The following CRAT variants were observed in gnomAD, a reference collection of about 807,000 sequenced individuals.
CRAT encodes the protein carnitine O-acetyltransferase.
CRAT carries 66 observed loss-of-function variants against 73.7 expected under a neutral mutation model. The observed-to-expected ratio is 0.90, with a 90% CI of 0.73 to 1.10. CRAT has a LOEUF of 1.10. Among genes scored for constraint, CRAT ranks in the 50% least tolerant of loss-of-function variants. CRAT has a pLI of 0.00. For synonymous variants in CRAT, 321 were observed against 343.2 expected, an observed-to-expected ratio of 0.94 and a Z score of 0.71; for missense variants, 745 against 846.9, an observed-to-expected ratio of 0.88 and a Z score of 1.49.
intron 12 of CRAT, among the ~76,000 whole-genome samples, chr9:129,097,040 C>T (rs1847318963): frequency 6.6e-6 from 1 of 151,112 alleles, no homozygotes; most frequent in Non-Finnish European, 1.5e-5. Flanking sequence ...TGCACTCCAG[C>T]CTGGGCGACA....
At chr9:129,100,184 C>T in intron 7 of CRAT, 1 of 584,462 alleles carries the variant, frequency 1.7e-6, no homozygotes, top group Middle Eastern at 4.5e-4. Flanking sequence ...TCAAACTACT[C>T]TACCGGTGAG....
At chr9:129,102,126 C>T in intron 5 of CRAT, 69 bp from the exon 6 acceptor site, 1 of 1,516,180 alleles carries the variant, frequency 6.6e-7, no homozygotes, top group Non-Finnish European at 9.0e-7. Flanking sequence ...AGCCACCTCC[C>T]CACACCTGCC....
At position 129,104,132 on chromosome 9, in the gene CRAT, C is replaced by T. The variant is rs1047522907; in HGVS notation, c.410+56G>A. On this transcript the variant is annotated intron_variant, in intron 3 of 13. Transcript: ENST00000318080. ...GTCGGGGCCCCTCCAAGCGGCTGGGCGAAGTGAACTCGAGGGGCCCGGCTG... is the reference window on the plus strand; with the variant it reads ...GTCGGGGCCCCTCCAAGCGGCTGGGTGAAGTGAACTCGAGGGGCCCGGCTG... 8.8e-6 allele frequency: 12 copies of T among 1,363,748 alleles called. No individual in the cohort carries two copies. In the Admixed American group the frequency reaches 1.4e-4, roughly 16 times the overall value. 84.5% of individuals were successfully genotyped at this position (1,363,748 alleles called of 1,614,324 possible). A position where few individuals can be genotyped will look rare whatever the true frequency, so the allele number is the denominator to read the frequency against.
At chr9:129,108,707 G>A in intron 1 of CRAT, 10 of 1,301,830 alleles carry the variant, frequency 7.7e-6, no homozygotes, top group Non-Finnish European at 1.0e-5. Flanking sequence ...AGAGACAGGA[G>A]GGCCCGAGGC....
chr9:129,109,804 C>T (rs890324250), intron 1 of CRAT, among the ~76,000 whole-genome samples: 3 of 151,384 alleles, frequency 2.0e-5, no homozygotes, highest in Admixed American at 1.3e-4. Flanking sequence ...ACGGAAGGGA[C>T]TGAAATTAGG....
In CRAT at chr9:129,098,110, G is replaced by A. The variant is rs1847402452; in HGVS notation, c.1367C>T (p.Ser456Phe). ...GQACATYESA[S>F]LRMFHLGRTD... The stretch of plus-strand genomic sequence containing the variant: ...GCGGCCCAGGTGAAACATGCGCAGG[G>A]AGGCACTTTCATAGGTGGCACATGC... Residue 456 changes from serine (S) to phenylalanine (F), a missense_variant, in exon 11 of 14, where the codon TCC becomes TTC. Transcript: ENST00000318080. 1 of 1,614,050 alleles carries A rather than the reference G, an allele frequency of 6.2e-7. No individual in the cohort carries two copies. The highest frequency in any genetic ancestry group is 1.1e-5 in the South Asian group (1 of 91,086).
chr9:129,106,561 G>C lies in CRAT; in HGVS notation c.291+1253C>G, dbSNP rs1455068650. Among the ~76,000 whole-genome samples the C allele has an allele frequency of 1.3e-5, 2 of 152,002 alleles. No individual in the cohort carries two copies. The highest frequency in any genetic ancestry group is 2.9e-5 in the Non-Finnish European group (2 of 67,998). ...TTTAACCAGGAGCTTCTGTTTGAAG[G>C]AGTCCCAGGCTAAATGAAGTCGGAA... On this transcript the variant is annotated intron_variant, in intron 2 of 13. Transcript: ENST00000318080. The surrounding 1 kb of genome is among the most constrained non-coding windows in gnomAD (Gnocchi z 4.0).
In CRAT at chr9:129,099,866, G is replaced by C; in HGVS notation, c.1085C>G (p.Thr362Arg). 2.5e-6 allele frequency: 4 copies of C among 1,610,712 alleles called. No homozygotes were observed. The highest frequency in any genetic ancestry group is 3.4e-6 in the Non-Finnish European group (4 of 1,177,456). Reference protein sequence around the residue: ...VTLLDYVIEYTKKPELVRSPL... With the variant: ...VTLLDYVIEYRKKPELVRSPL... ...AGGCGAGAGATGTGACTGTACTCAC[G>C]TGTACTCGATGACATAGTCCAGAAG... The change falls in exon 8 of 14, where the codon ACG becomes AGG. Residue 362 changes from threonine to arginine, a missense_variant and splice_region_variant. Physicochemically the swap from Thr to Arg is moderately conservative, Grantham distance 71 (BLOSUM62 -1). Coordinates refer to ENST00000318080, the MANE Select transcript of CRAT (RefSeq NM_000755.5).
At chr9:129,101,394 C>T (rs1330258855) in intron 6 of CRAT, among the ~76,000 whole-genome samples, 1 of 152,230 alleles carries the variant, frequency 6.6e-6, no homozygotes, top group Admixed American at 6.5e-5. Context: ...TAATTGCCAT[C>T]ATGTTCCCAT....
chr9:129,108,118 C>T (rs766594659), intron 1 of CRAT, 41 bp from the exon 2 acceptor site: 38 of 1,495,504 alleles, frequency 2.5e-5, no homozygotes. Flanking sequence ...CTCCCCGGCT[C>T]TGGAGCCCTG....
rs150820288 is a variant in CRAT, at chr9:129,107,840, G to A, written c.265C>T (p.Arg89Cys). The A allele has an allele frequency of 1.9e-6, 3 of 1,612,766 alleles. No individual in the cohort carries two copies. Among genetic ancestry groups the A allele is most frequent in the Non-Finnish European group, 2.5e-6 (3 of 1,180,000 alleles). The change falls in exon 2 of 14, where the codon CGT becomes TGT. Residue 89 changes from arginine to cysteine, a missense_variant. Physicochemically the swap from Arg to Cys is radical, Grantham distance 180. Transcript: ENST00000318080. The surrounding 1 kb of genome is among the most constrained non-coding windows in gnomAD (Gnocchi z 5.0). Reference sequence around the variant, plus strand: ...CAGTTCTCCGTCTTCCTGGCCCGACGCTCCAGCCCCTTCTGCAGGCGCTCC... The same window carrying A: ...CAGTTCTCCGTCTTCCTGGCCCGACACTCCAGCCCCTTCTGCAGGCGCTCC... ...VGERLQKGLERRARKTENWLS... is the reference protein window; with the variant it reads ...VGERLQKGLECRARKTENWLS...
At position 129,102,544 on chromosome 9, in the gene CRAT, G is replaced by A. The variant is rs1426096082; in HGVS notation, c.486C>T (p.Tyr162=). 2 of 1,613,966 alleles carry A rather than the reference G, an allele frequency of 1.2e-6. No individual in the cohort carries two copies. The highest frequency in any genetic ancestry group is 2.2e-5 in the East Asian group (1 of 44,888). ...MIDNETLPVE[Y]LGGKPLCMNQ... ...TCATGCACAGTGGCTTCCCCCCCAG[G>A]TACTCCACGGGCAGGGTCTCGCTAT... Residue 162 remains tyrosine (Y), a synonymous_variant, in exon 5 of 14, where the codon TAC becomes TAT. Coordinates refer to ENST00000318080, the MANE Select transcript of CRAT (RefSeq NM_000755.5).
At chr9:129,102,674 C>CT in intron 4 of CRAT, 109 bp from the exon 5 acceptor site, 1 of 1,252,788 alleles carries the variant, frequency 8.0e-7, no homozygotes, top group Non-Finnish European at 1.1e-6. Flanking sequence ...AGTGTCCCTG[C>CT]TCCCACTCCC....
intron 5 of CRAT, 77 bp downstream of exon 5, chr9:129,102,323 G>C: frequency 6.3e-7 from 1 of 1,581,940 alleles, no homozygotes; most frequent in African/African-American, 1.3e-5. Context: ...AACCCCAGTG[G>C]GGAAGCCGAC....
At position 129,095,533 on chromosome 9, in the gene CRAT, T is replaced by G; in HGVS notation, c.1745A>C (p.Glu582Ala). The change falls in exon 14 of 14, where the codon GAG becomes GCG. Residue 582 changes from glutamate (E) to alanine (A), a missense_variant. Glu to Ala is a moderately radical substitution (Grantham distance 107). Coordinates refer to ENST00000318080, the MANE Select transcript of CRAT (RefSeq NM_000755.5). ...DGYGVCYNPM[E>A]AHINFSLSAY... ...CGACAGGGAGAAGTTGATGTGGGCCTCCATGGGGTTATAGCAGACACCGTA... is the reference window on the plus strand; with the variant it reads ...CGACAGGGAGAAGTTGATGTGGGCCGCCATGGGGTTATAGCAGACACCGTA... 6.2e-7 allele frequency: 1 copy of G among 1,613,472 alleles called. No homozygotes were observed. Among genetic ancestry groups the G allele is most frequent in the Non-Finnish European group, 8.5e-7 (1 of 1,179,990 alleles).
chr9:129,106,605 G>A lies in CRAT; in HGVS notation c.291+1209C>T, dbSNP rs1848029908. Among the ~76,000 whole-genome samples the A allele has an allele frequency of 6.6e-6, 1 of 152,104 alleles. No homozygotes were observed. Among genetic ancestry groups the A allele is most frequent in the African/African-American group, 2.4e-5 (1 of 41,398 alleles). ...GTCGGAAAACCACCAGCCCCCAGAC[G>A]CTCTAAGGACCTTTCGGGGGAAGCA... is the stretch of plus-strand genomic sequence containing the variant. On this transcript the variant is annotated intron_variant, in intron 2 of 13. Transcript: ENST00000318080. The surrounding 1 kb of genome is among the most constrained non-coding windows in gnomAD (Gnocchi z 4.0).
rs201109466 is a variant in CRAT at position 129,098,317 on chromosome 9, G to A, written c.1260C>T (p.Asp420=). The change falls in exon 10 of 14, where the codon GAC becomes GAT. Residue 420 remains aspartate (D), a synonymous_variant. Coordinates refer to ENST00000318080, the MANE Select transcript of CRAT (RefSeq NM_000755.5). ...GGCTTAGCTTCTCCGACTTGGGGAA[G>A]TCTTTTCCAAAATGGTGGAACACCA... ...TVMVFHHFGK[D]FPKSEKLSPD... 6.2e-7 allele frequency: 1 copy of A among 1,613,920 alleles called. No homozygotes were observed. Among genetic ancestry groups the A allele is most frequent in the East Asian group, 2.2e-5 (1 of 44,896 alleles).
At chr9:129,104,157 G>T in intron 3 of CRAT, 31 bp downstream of exon 3, 2 of 1,543,034 alleles carry the variant, frequency 1.3e-6, no homozygotes, top group Non-Finnish European at 1.8e-6. Context: ...GGGCCCGGCT[G>T]CCTCCTGGCC....
In CRAT at chr9:129,108,815, C is replaced by T. The variant is rs372057699; in HGVS notation, c.28-738G>A. 6.7e-5 allele frequency: 87 copies of T among 1,304,304 alleles called. No individual in the cohort carries two copies. The Middle Eastern group carries it at 1.5e-3, about 22-fold the overall frequency. 80.8% of individuals were successfully genotyped at this position (1,304,304 alleles called of 1,614,324 possible). ...CATGGCAGGACTGAGGTTCTGGGCC[C>T]TGTCTGTCTGCCTTGGCTGGATCTC... On this transcript the variant is annotated intron_variant, in intron 1 of 13. Coordinates refer to ENST00000318080, the MANE Select transcript of CRAT (RefSeq NM_000755.5).
Sources: allele counts gnomAD v4.1 joint callset (sites outside exome capture counted in the v4.1 genomes callset), GRCh38; gene constraint gnomAD v4.1.1; non-coding constraint Gnocchi (gnomAD v3.1); transcripts MANE v1.5; gene names NCBI Gene and HGNC (gene_info 2026-07-23, HGNC 2026-07-21).